CPEB2: variants seen among roughly 807,000 people sequenced by gnomAD.
CPEB2 encodes the protein cytoplasmic polyadenylation element-binding protein 2.
In CPEB2, 56 loss-of-function variants were observed where a neutral mutation model predicts 93.6. That is an observed-to-expected ratio of 0.60 (90% CI 0.48 to 0.75). The LOEUF (loss-of-function observed/expected upper bound fraction) is 0.75. CPEB2 is among the 30% of genes least tolerant of loss of function. The probability of loss-of-function intolerance (pLI) is 0.00; values close to 1 mark genes in which losing one functional copy is unlikely to be tolerated. For synonymous variants in CPEB2, 764 were observed against 586.3 expected, an observed-to-expected ratio of 1.30 and a Z score of -4.38; for missense variants, 1,579 against 1,395.1, an observed-to-expected ratio of 1.13 and a Z score of -2.10.
intron 1 of CPEB2, among the ~76,000 whole-genome samples, chr4:15,005,816 A>T (rs1282391031): frequency 6.6e-6 from 1 of 152,188 alleles, no homozygotes; most frequent in African/African-American, 2.4e-5. Flanking sequence ...AGGGATTTTG[A>T]AATAATGTTC....
At position 15,048,063 on chromosome 4, in the gene CPEB2, G is replaced by C. The variant is rs190218069; in HGVS notation, c.2201-4351G>C. On this transcript the variant is annotated intron_variant, in intron 6 of 11. Transcript: ENST00000538197. Reference sequence around the variant, plus strand: ...TTTTAAAATGATAAATCAATCTTACGTTCCTGGGGTGAACCCCACTTAATC... The same window carrying C: ...TTTTAAAATGATAAATCAATCTTACCTTCCTGGGGTGAACCCCACTTAATC... Among the ~76,000 whole-genome samples the C allele has an allele frequency of 2.3e-3, 354 of 151,790 alleles. 3 individuals carry two copies. Among genetic ancestry groups the C allele is most frequent in the South Asian group, 0.018 (86 of 4,820 alleles).
At chr4:15,043,792 G>C (rs1052679019) in intron 6 of CPEB2, among the ~76,000 whole-genome samples, 4 of 152,082 alleles carry the variant, frequency 2.6e-5, no homozygotes, top group African/African-American at 9.7e-5. Context: ...GAAACCCAGA[G>C]CTTGAGTTAG....
At chr4:15,054,099 T>G (rs772002990) in intron 7 of CPEB2, 29 bp from the exon 8 acceptor site, 65 of 1,466,808 alleles carry the variant, frequency 4.4e-5, no homozygotes, top group Non-Finnish European at 4.7e-6. Context: ...GAAACTAATT[T>G]CTAATGTGTA....
intron 6 of CPEB2, among the ~76,000 whole-genome samples, chr4:15,044,927 T>C (rs924741531): frequency 2.0e-5 from 3 of 152,208 alleles, no homozygotes; most frequent in Non-Finnish European, 2.9e-5. Flanking sequence ...ATAATCTTTA[T>C]TATAACTACT....
intron 5 of CPEB2, among the ~76,000 whole-genome samples, chr4:15,034,976 GA>G (rs1424004786): frequency 6.6e-6 from 1 of 152,158 alleles, no homozygotes; most frequent in African/African-American, 2.4e-5. Flanking sequence ...AGAATTAAGT[GA>G]TATTAGTGCT....
Position 15,002,956 on chromosome 4 carries a change from G to C in CPEB2, c.283G>C (p.Asp95His), listed in dbSNP as rs1232299376. ...CCTGGCGCATCAGCAGACCATGCAG[G>C]ATGAGCTGCTTCTGGGGCTGACACA... ...PFLAHQQTMQ[D>H]ELLLGLTQQP... The change falls in exon 1 of 12, where the codon GAT (aspartate) becomes CAT (histidine). Residue 95 changes from aspartate to histidine, a missense_variant. Asp to His is a moderately conservative substitution (Grantham distance 81). Transcript: ENST00000538197. The C allele has an allele frequency of 6.6e-7, 1 of 1,515,084 alleles. No homozygotes were observed. Among genetic ancestry groups the C allele is most frequent in the Non-Finnish European group, 8.8e-7 (1 of 1,141,220 alleles). 93.9% of individuals were successfully genotyped at this position (1,515,084 alleles called of 1,614,324 possible).
At chr4:15,054,275 A>C (rs551370891) in intron 8 of CPEB2, 58 bp downstream of exon 8, 1 of 1,196,702 alleles carries the variant, frequency 8.4e-7, no homozygotes, top group Non-Finnish European at 1.2e-6. Context: ...AGCAAAAGAA[A>C]GAATAGCAAT....
chr4:15,033,965 A>C (rs1479163381), intron 5 of CPEB2, among the ~76,000 whole-genome samples: 3 of 152,230 alleles, frequency 2.0e-5, no homozygotes, highest in Non-Finnish European at 4.4e-5. Flanking sequence ...TTGTATTTCA[A>C]CTGAAGGTTT....
chr4:15,041,323 G>A (rs1235449322), intron 6 of CPEB2, among the ~76,000 whole-genome samples: 15 of 151,786 alleles, frequency 9.9e-5, no homozygotes, highest in East Asian at 7.7e-4. Flanking sequence ...GTGCCACACC[G>A]AATAAAAAGA....
chr4:15,034,231 T>C (rs1206876384), intron 5 of CPEB2, among the ~76,000 whole-genome samples: 1 of 152,172 alleles, frequency 6.6e-6, no homozygotes, highest in African/African-American at 2.4e-5. Flanking sequence ...AAGCACTCGG[T>C]TATCTAATTA....
chr4:15,004,434 G>T lies in CPEB2; in HGVS notation c.1662+99G>T, dbSNP rs1036517234. The T allele has an allele frequency of 2.7e-4, 239 of 881,892 alleles. No homozygotes were observed. In the African/African-American group the frequency reaches 3.5e-3, roughly 13 times the overall value. The allele number at this position is 881,892 out of a possible 1,614,324, so 54.6% of individuals were successfully genotyped here. A position where few individuals can be genotyped will look rare whatever the true frequency, so the allele number is the denominator to read the frequency against. On this transcript the variant is annotated intron_variant, in intron 1 of 11. Transcript: ENST00000538197. ...CAGCCGGGGACCCGACCTTAGCCCC[G>T]AGAGAAGCCGCGACGGGGGCCACTC...
chr4:15,003,537 G>A lies in CPEB2; in HGVS notation c.864G>A (p.Ala288=), dbSNP rs1417812876. 6 of 1,448,574 alleles carry A rather than the reference G, an allele frequency of 4.1e-6. No homozygotes were observed. Among genetic ancestry groups the A allele is most frequent in the Non-Finnish European group, 3.6e-6 (4 of 1,102,736 alleles). 89.7% of individuals were successfully genotyped at this position (1,448,574 alleles called of 1,614,324 possible). Residue 288 remains alanine (A), a synonymous_variant, in exon 1 of 12, where the codon GCG becomes GCA. Coordinates refer to ENST00000538197, the MANE Select transcript of CPEB2 (RefSeq NM_001177382.2). ...GAGSPRKTPA[A]GEGSAAESPN... is the part of the protein sequence containing the mutation. ...GCAGCCCTCGCAAGACCCCAGCCGC[G>A]GGCGAGGGCAGCGCCGCCGAGTCCC...
At chr4:15,016,538 G>A (rs1370441399) in intron 3 of CPEB2, among the ~76,000 whole-genome samples, 1 of 151,950 alleles carries the variant, frequency 6.6e-6, no homozygotes, top group Non-Finnish European at 1.5e-5. Flanking sequence ...TGCCTATTTT[G>A]CAGGGGAGTT....
Position 15,049,822 on chromosome 4 carries a change from CTGT to C in CPEB2, c.2201-2585_2201-2583del, listed in dbSNP as rs1317784231. Among the ~76,000 whole-genome samples the C allele has an allele frequency of 3.9e-5, 6 of 152,272 alleles. No individual in the cohort carries two copies. The South Asian group carries it at 1.0e-3, about 26-fold the overall frequency. On this transcript the variant is annotated intron_variant, in intron 6 of 11. Transcript: ENST00000538197. ...CCTATATCAAATATCATCTTTCTCT[CTGT>C]TGTTGTGTCTTATAAACTAAATTTT...
chr4:15,046,585 A>T (rs1727725923), intron 6 of CPEB2, among the ~76,000 whole-genome samples: 1 of 152,052 alleles, frequency 6.6e-6, no homozygotes, highest in African/African-American at 2.4e-5. Context: ...CTGTGGCTCT[A>T]ATTTGCAGTT....
intron 10 of CPEB2, among the ~76,000 whole-genome samples, chr4:15,059,519 T>A (rs1729005182): frequency 6.6e-6 from 1 of 152,136 alleles, no homozygotes; most frequent in African/African-American, 2.4e-5. Context: ...TATCTATCAA[T>A]ATTAGTGCAG....
At chr4:15,010,596 A>G (rs1479376924) in intron 3 of CPEB2, 2 of 152,226 alleles carry the variant, frequency 1.3e-5, no homozygotes, top group Non-Finnish European at 2.9e-5. Context: ...TTGATATCTT[A>G]AAATGTTGGG....
chr4:15,034,192 T>C (rs1726386157), intron 5 of CPEB2, among the ~76,000 whole-genome samples: 1 of 152,292 alleles, frequency 6.6e-6, no homozygotes, highest in South Asian at 2.1e-4. Flanking sequence ...TTTCACTGTT[T>C]AGTTGTCTAG....
In CPEB2 at chr4:15,040,377, A is replaced by G. The variant is rs1727049245; in HGVS notation, c.2177-87A>G. Reference sequence around the variant, plus strand: ...AAGTAGCACTAATTTTCAGATGCCCACATAGCTTTTCGTATCAGAAATATT... The same window carrying G: ...AAGTAGCACTAATTTTCAGATGCCCGCATAGCTTTTCGTATCAGAAATATT... On this transcript the variant is annotated intron_variant, in intron 5 of 11. Transcript: ENST00000538197. 4.8e-6 allele frequency: 6 copies of G among 1,259,480 alleles called. No individual in the cohort carries two copies. In the South Asian group the frequency reaches 7.7e-5, roughly 16 times the overall value. 78.0% of individuals were successfully genotyped at this position (1,259,480 alleles called of 1,614,324 possible).
Sources: allele counts gnomAD v4.1 joint callset (sites outside exome capture counted in the v4.1 genomes callset), GRCh38; gene constraint gnomAD v4.1.1; transcripts MANE v1.5; gene names NCBI Gene and HGNC (gene_info 2026-07-23, HGNC 2026-07-21).